FBXO40: variants seen among roughly 807,000 people sequenced by gnomAD.
FBXO40 encodes the protein F-box only protein 40.
FBXO40 carries 50 observed loss-of-function variants against 49.9 expected under a neutral mutation model. The ratio of observed to expected loss-of-function variants is 1.00; its 90% CI spans 0.80 to 1.27. The LOEUF (loss-of-function observed/expected upper bound fraction) is 1.27, where lower values mean the gene tolerates loss of function less well. FBXO40 is among the 50% of genes most tolerant of loss of function. The pLI, the probability that FBXO40 is intolerant of heterozygous loss-of-function variation, is 0.00. For synonymous variants in FBXO40, 340 were observed against 320.2 expected, an observed-to-expected ratio of 1.06 and a Z score of -0.66; for missense variants, 895 against 870.1, an observed-to-expected ratio of 1.03 and a Z score of -0.36.
chr3:121,623,279 TC>T lies in FBXO40; in HGVS notation c.1852del (p.Leu618PhefsTer47). On this transcript the variant is annotated frameshift_variant, in exon 3 of 4. Coordinates refer to ENST00000338040, the MANE Select transcript of FBXO40 (RefSeq NM_016298.4). LOFTEE classifies it high-confidence loss of function. ...CATLLQERGMVLLQWKKKRYS... is the reference protein window; with the variant it reads ...CATLLQERGMXLLQWKKKRYS... The stretch of plus-strand genomic sequence containing the variant: ...ACTTTGTTACAAGAGAGAGGAATGG[TC>T]CTTTTGCAATGGAAGAAAAAGAGGT... The T allele has an allele frequency of 6.2e-7, 1 of 1,614,198 alleles. No homozygotes were observed. Among genetic ancestry groups the T allele is most frequent in the Non-Finnish European group, 8.5e-7 (1 of 1,180,042 alleles).
In FBXO40 at chr3:121,610,873, T is replaced by C. The variant is rs116942691; in HGVS notation, c.-30-9673T>C. Among the ~76,000 whole-genome samples the C allele has an allele frequency of 7.4e-4, 113 of 152,318 alleles. No homozygotes were observed. The East Asian group carries it at 8.9e-3, about 12-fold the overall frequency. ...CCAGGCTGGTCTCAAACTCCTGACC[T>C]CAAGTGATCTGCCAACCTTGGCTGC... On this transcript the variant is annotated intron_variant, in intron 1 of 3. Transcript: ENST00000338040.
rs148113445 is a variant in FBXO40 at position 121,596,096 on chromosome 3, G to A, written c.-31+2594G>A. 1.2e-3 allele frequency among the ~76,000 whole-genome samples: 190 copies of A among 152,274 alleles called. 2 individuals are homozygous for A. The highest frequency in any genetic ancestry group is 4.4e-3 in the African/African-American group (181 of 41,548). On this transcript the variant is annotated intron_variant, in intron 1 of 3. Coordinates refer to ENST00000338040, the MANE Select transcript of FBXO40 (RefSeq NM_016298.4). ...GTTAATCCCATTCTCTTTTGCTTGA[G>A]TCAGTGATTTAAATACACCTGCTAT... is the stretch of plus-strand genomic sequence containing the variant.
rs1220669782 is a variant in FBXO40, at chr3:121,615,005, G to A, written c.-30-5541G>A. On this transcript the variant is annotated intron_variant, in intron 1 of 3. Coordinates refer to ENST00000338040, the MANE Select transcript of FBXO40 (RefSeq NM_016298.4). ...GAGGCCGAGGCTGGTGGATCACGAG[G>A]TCAGGAGATCGAGACTATCCTGGCT... Among the ~76,000 whole-genome samples the A allele has an allele frequency of 3.9e-5, 6 of 152,232 alleles. No individual in the cohort carries two copies. The South Asian group carries it at 8.3e-4, about 21-fold the overall frequency.
chr3:121,618,666 G>T (rs151100304), intron 1 of FBXO40, among the ~76,000 whole-genome samples: 5 of 151,858 alleles, frequency 3.3e-5, no homozygotes, highest in African/African-American at 1.2e-4. Context: ...AAAGTGTTGG[G>T]GTTATAGGCT....
chr3:121,608,046 G>A (rs2048941162), intron 1 of FBXO40, among the ~76,000 whole-genome samples: 1 of 152,202 alleles, frequency 6.6e-6, no homozygotes, highest in Non-Finnish European at 1.5e-5. Context: ...GTTCTTCCTT[G>A]GAGTACACTG....
chr3:121,600,194 A>ATTTT (rs71133558), intron 1 of FBXO40, among the ~76,000 whole-genome samples: 11 of 88,390 alleles, frequency 1.2e-4, no homozygotes, highest in Admixed American at 4.4e-4. Context: ...CACTTGGCTG[A>ATTTT]TTTTTTTTTT....
At chr3:121,602,558 A>G (rs1424250043) in intron 1 of FBXO40, among the ~76,000 whole-genome samples, 1 of 152,084 alleles carries the variant, frequency 6.6e-6, no homozygotes, top group African/African-American at 2.4e-5. Context: ...TATGTGTCTC[A>G]TCTTGACTAT....
At chr3:121,602,929 C>T (rs1282014077) in intron 1 of FBXO40, among the ~76,000 whole-genome samples, 3 of 152,158 alleles carry the variant, frequency 2.0e-5, no homozygotes, top group Non-Finnish European at 4.4e-5. Flanking sequence ...CATTTTTGTC[C>T]ATTCAGGCTT....
At chr3:121,596,635 T>G (rs555395411) in intron 1 of FBXO40, among the ~76,000 whole-genome samples, 11 of 152,352 alleles carry the variant, frequency 7.2e-5, no homozygotes, top group African/African-American at 2.6e-4. Context: ...GCCTGTCAAG[T>G]GTTTAAAAGA....
chr3:121,620,469 A>G (rs1009013611), intron 1 of FBXO40, 77 bp from the exon 2 acceptor site: 19 of 1,285,790 alleles, frequency 1.5e-5, no homozygotes, highest in African/African-American at 2.9e-5. Flanking sequence ...TAGTGTGTGA[A>G]GTCTCTTTAG....
At chr3:121,625,981 C>T (rs943644167) in intron 3 of FBXO40, among the ~76,000 whole-genome samples, 19 of 152,218 alleles carry the variant, frequency 1.2e-4, no homozygotes, top group African/African-American at 4.3e-4. Flanking sequence ...TATTTCAGAA[C>T]TCATAGAATT....
chr3:121,601,217 T>A (rs1417205220), intron 1 of FBXO40, among the ~76,000 whole-genome samples: 1 of 152,124 alleles, frequency 6.6e-6, no homozygotes, highest in East Asian at 1.9e-4. Flanking sequence ...TTCCCCCCCA[T>A]ACACAACAAA....
chr3:121,616,488 G>C (rs1049392451), intron 1 of FBXO40, among the ~76,000 whole-genome samples: 1 of 152,194 alleles, frequency 6.6e-6, no homozygotes, highest in East Asian at 1.9e-4. Context: ...TGTGGCTAAC[G>C]TGACTGAGAA....
intron 1 of FBXO40, among the ~76,000 whole-genome samples, chr3:121,604,302 C>T (rs1223105097): frequency 1.3e-5 from 2 of 152,008 alleles, no homozygotes; most frequent in Admixed American, 1.3e-4. Context: ...AGTTGATATC[C>T]TAAACATAGA....
chr3:121,623,453 A>G (rs1327098967), intron 3 of FBXO40, 110 bp downstream of exon 3: 1 of 865,802 alleles, frequency 1.2e-6, no homozygotes, highest in East Asian at 2.6e-5. Context: ...GTGCAATCAC[A>G]GCCTTGAACT....
Position 121,629,652 on chromosome 3 carries a change from T to G in FBXO40, c.*2742T>G, listed in dbSNP as rs1873645. ...GAGAGTGGCACTGCCCACAACTGCT[T>G]TGTGGGTTGTGCACTTCCAGCCGCA... On this transcript the variant is annotated 3_prime_UTR_variant, in exon 4 of 4. Coordinates refer to ENST00000338040, the MANE Select transcript of FBXO40 (RefSeq NM_016298.4). 1 of 151,908 alleles carries G rather than the reference T, an allele frequency of 6.6e-6. No individual in the cohort carries two copies. The highest frequency in any genetic ancestry group is 1.5e-5 in the Non-Finnish European group (1 of 67,972). The allele number at this position is 151,908 out of a possible 1,614,324, so 9.4% of individuals were successfully genotyped here.
chr3:121,626,647 A>G, intron 3 of FBXO40, 48 bp from the exon 4 acceptor site: 1 of 1,558,104 alleles, frequency 6.4e-7, no homozygotes. Flanking sequence ...AGCCAGCCAG[A>G]GGGTAACACC....
intron 1 of FBXO40, among the ~76,000 whole-genome samples, chr3:121,614,052 A>G (rs140671329): frequency 6.6e-6 from 1 of 152,108 alleles, no homozygotes; most frequent in South Asian, 2.1e-4. Context: ...GCAGATCACA[A>G]GGTCAAGAGA....
Position 121,623,341 on chromosome 3 carries a change from G to A in FBXO40, c.1912G>A (p.Glu638Lys), listed in dbSNP as rs753051384. ...HGGTSWRVHR[E>K]IWQFSSLFSK... Reference sequence around the variant, plus strand: ...AGGCACCTCCTGGAGAGTCCACAGAGAGGTAAGTAAACACTCATTTATTGA... The same window carrying A: ...AGGCACCTCCTGGAGAGTCCACAGAAAGGTAAGTAAACACTCATTTATTGA... The change falls in exon 3 of 4, where the codon GAG becomes AAG. Residue 638 changes from glutamate to lysine, a missense_variant and splice_region_variant. Coordinates refer to ENST00000338040, the MANE Select transcript of FBXO40 (RefSeq NM_016298.4). The A allele has an allele frequency of 6.2e-7, 1 of 1,611,094 alleles. No individual in the cohort carries two copies. Among genetic ancestry groups the A allele is most frequent in the South Asian group, 1.1e-5 (1 of 90,894 alleles).
Sources: gnomAD v4.1 joint callset for allele counts (sites outside exome capture counted in the v4.1 genomes callset) on GRCh38, gnomAD v4.1.1 for gene constraint, MANE v1.5 for transcripts, NCBI Gene and HGNC (gene_info 2026-07-23, HGNC 2026-07-21) for gene names.